LTBP4: variants seen among roughly 807,000 people sequenced by gnomAD.
LTBP4 encodes latent transforming growth factor beta binding protein 4.
LTBP4 carries 93 observed loss-of-function variants against 180.2 expected under a neutral mutation model. The observed-to-expected ratio is 0.52, with a 90% CI of 0.44 to 0.61. The LOEUF (loss-of-function observed/expected upper bound fraction) is 0.61. Among genes scored for constraint, LTBP4 ranks in the 20% least tolerant of loss-of-function variants. The pLI, the probability that LTBP4 is intolerant of heterozygous loss-of-function variation, is 0.00. For synonymous variants in LTBP4, 947 were observed against 934.5 expected, an observed-to-expected ratio of 1.01 and a Z score of -0.24; for missense variants, 2,116 against 2,256.5, an observed-to-expected ratio of 0.94 and a Z score of 1.26.
chr19:40,610,137 C>A (rs896954150), intron 11 of LTBP4: 1 of 527,426 alleles, frequency 1.9e-6, no homozygotes, highest in Admixed American at 3.6e-5. Context: ...CGCCCAGGCC[C>A]CGCCCTTATT....
rs772019455 is a variant in LTBP4, at chr19:40,609,556, A to C, written c.1453A>C (p.Asn485His). 1 of 1,613,346 alleles carries C rather than the reference A, an allele frequency of 6.2e-7. No homozygotes were observed. The highest frequency in any genetic ancestry group is 2.2e-5 in the East Asian group (1 of 44,886). Residue 485 changes from asparagine to histidine, a missense_variant, in exon 10 of 30, where the codon AAC becomes CAC. By Grantham distance (68) the Asn-to-His change is moderately conservative. Coordinates refer to ENST00000396819, the MANE Select transcript of LTBP4 (RefSeq NM_001042545.2). This position sits in a 1 kb window ranked among gnomAD's most constrained non-coding sequence, Gnocchi z 4.9. ...SGPSSGMCQR[N>H]PQVCGPGRCI... is the part of the protein sequence containing the mutation. ...TCCCTCCTCCGGCATGTGTCAGCGC[A>C]ACCCCCAGGTCTGCGGCCCAGGACG...
rs2081521462 is a variant in LTBP4 at position 40,613,319 on chromosome 19, G to A, written c.2432-85G>A. ...GGAGGAGCTTAGAAACCTGGCATTGGTGGGGGCGGGGTTACTGCGATGTGG... is the reference window on the plus strand; with the variant it reads ...GGAGGAGCTTAGAAACCTGGCATTGATGGGGGCGGGGTTACTGCGATGTGG... On this transcript the variant is annotated intron_variant, in intron 16 of 29. Transcript: ENST00000396819. This position sits in a 1 kb window ranked among gnomAD's most constrained non-coding sequence, Gnocchi z 5.0. 6.4e-7 allele frequency: 1 copy of A among 1,552,018 alleles called. No individual in the cohort carries two copies. Among genetic ancestry groups the A allele is most frequent in the African/African-American group, 1.4e-5 (1 of 73,448 alleles).
chr19:40,623,859 T>A, intron 25 of LTBP4, 77 bp from the exon 26 acceptor site: 1 of 1,599,424 alleles, frequency 6.3e-7, no homozygotes, highest in South Asian at 1.1e-5. Flanking sequence ...TCCATCACAC[T>A]GCCAATGTGC....
At chr19:40,627,504 C>A in intron 28 of LTBP4, 149 bp downstream of exon 28, 3 of 1,304,084 alleles carry the variant, frequency 2.3e-6, no homozygotes, top group Non-Finnish European at 3.1e-6. Flanking sequence ...GTCTATAGCC[C>A]GGCAAAGAAA....
chr19:40,594,022 G>A (rs2081378865), intron 1 of LTBP4, among the ~76,000 whole-genome samples: 1 of 151,376 alleles, frequency 6.6e-6, no homozygotes, highest in African/African-American at 2.4e-5. Flanking sequence ...TGAAACTCCT[G>A]ACCTCAAGTG....
upstream of LTBP4, among the ~76,000 whole-genome samples, chr19:40,600,651 C>G (rs1034164116): frequency 6.6e-6 from 1 of 152,160 alleles, no homozygotes; most frequent in Non-Finnish European, 1.5e-5. The surrounding 1 kb of genome is among the most constrained non-coding windows in gnomAD (Gnocchi z 4.4). Context: ...CAAACACCCT[C>G]AAAACCCTCC....
At chr19:40,621,581 G>A (rs978908171) in intron 22 of LTBP4, among the ~76,000 whole-genome samples, 1 of 152,158 alleles carries the variant, frequency 6.6e-6, no homozygotes. Flanking sequence ...GAGGCTGGGA[G>A]CTCAGGGAAC....
At chr19:40,597,160 G>A, upstream of LTBP4, 6 of 1,057,814 alleles carry the variant, frequency 5.7e-6, no homozygotes, top group Non-Finnish European at 7.3e-6. Context: ...GGGGGCGGGG[G>A]CAGGGGCGGG....
Position 40,609,461 on chromosome 19 carries a change from G to A in LTBP4, c.1427-69G>A, listed in dbSNP as rs1568405266. The A allele has an allele frequency of 5.7e-6, 9 of 1,581,918 alleles. No individual in the cohort carries two copies. The highest frequency in any genetic ancestry group is 1.3e-5 in the African/African-American group (1 of 74,284). On this transcript the variant is annotated intron_variant, in intron 9 of 29. Transcript: ENST00000396819. This position sits in a 1 kb window ranked among gnomAD's most constrained non-coding sequence, Gnocchi z 4.9. ...GTTTTATGGATGTCTCCGGGGGTGG[G>A]GGTTTTACTGGGATGAAAGGAACGG...
Position 40,611,065 on chromosome 19 carries a change from C to G in LTBP4, c.1811-87C>G, listed in dbSNP as rs796066988. The G allele has an allele frequency of 1.2e-4, 193 of 1,557,052 alleles. No individual in the cohort carries two copies. Among genetic ancestry groups the G allele is most frequent in the African/African-American group, 5.1e-4 (38 of 73,816 alleles). ...AGGAATAGAGATGGGGTCACGGGGACAGAATGTTGGAGGGTGGAAAGCCAA... is the reference window on the plus strand; with the variant it reads ...AGGAATAGAGATGGGGTCACGGGGAGAGAATGTTGGAGGGTGGAAAGCCAA... On this transcript the variant is annotated intron_variant, in intron 12 of 29. Coordinates refer to ENST00000396819, the MANE Select transcript of LTBP4 (RefSeq NM_001042545.2). The surrounding 1 kb of genome is among the most constrained non-coding windows in gnomAD (Gnocchi z 4.4).
intron 11 of LTBP4, 187 bp downstream of exon 11, chr19:40,610,058 C>T: frequency 1.3e-6 from 1 of 765,804 alleles, no homozygotes; most frequent in East Asian, 2.9e-5. Context: ...TTTGACCCCA[C>T]CCCTACCCAG....
At chr19:40,624,624 C>G (rs1259523271) in intron 26 of LTBP4, among the ~76,000 whole-genome samples, 1 of 152,198 alleles carries the variant, frequency 6.6e-6, no homozygotes, top group East Asian at 1.9e-4. Flanking sequence ...GTCTCGAACT[C>G]CCGACCTCAG....
chr19:40,610,511 C>A, intron 11 of LTBP4, 21 bp from the exon 12 acceptor site: 2 of 1,580,696 alleles, frequency 1.3e-6, no homozygotes, highest in Non-Finnish European at 1.7e-6. Context: ...CCAGTCCCAG[C>A]CGCCTGGTCT....
At chr19:40,610,985 C>A in intron 12 of LTBP4, 167 bp from the exon 13 acceptor site, 2 of 972,944 alleles carry the variant, frequency 2.1e-6, no homozygotes, top group Non-Finnish European at 3.0e-6. Flanking sequence ...CAGAACCAGC[C>A]AGGCAGCTTA....
intron 26 of LTBP4, among the ~76,000 whole-genome samples, chr19:40,625,312 A>ATT (rs2081624915): frequency 1.7e-4 from 3 of 18,016 alleles, no homozygotes; most frequent in Admixed American, 8.5e-4. Flanking sequence ...ATATATATAT[A>ATT]TATATTTTTT....
chr19:40,615,265 T>A (rs1402059151), intron 19 of LTBP4: 2 of 141,658 alleles, frequency 1.4e-5, no homozygotes, highest in African/African-American at 2.7e-5. Flanking sequence ...ATCTGTGGGC[T>A]GCCGTTGACT....
Position 40,614,015 on chromosome 19 carries a change from G to T in LTBP4, c.2657G>T (p.Gly886Val). 8 of 1,613,198 alleles carry T rather than the reference G, an allele frequency of 5.0e-6. No individual in the cohort carries two copies. The highest frequency in any genetic ancestry group is 5.9e-6 in the Non-Finnish European group (7 of 1,179,726). ...ECICPPGHRA[G>V]PDLASCLDVD... The stretch of plus-strand genomic sequence containing the variant: ...ATCTGTCCTCCGGGACACCGCGCTG[G>T]CCCGGACCTCGCCTCCTGCCTCGGT... The change falls in exon 18 of 30, where the codon GGC becomes GTC. Residue 886 changes from glycine (G) to valine (V), a missense_variant. By Grantham distance (109) the Gly-to-Val change is moderately radical. Around this residue, in one of 5 missense-constraint regions of LTBP4, gnomAD observed 877 missense variants for 873.6 expected, o/e 1.00. Coordinates refer to ENST00000396819, the MANE Select transcript of LTBP4 (RefSeq NM_001042545.2).
Position 40,626,958 on chromosome 19 carries a change from T to C in LTBP4, c.3986-17T>C, listed in dbSNP as rs750942155. On this transcript the variant is annotated splice_polypyrimidine_tract_variant and intron_variant, in intron 27 of 29. Transcript: ENST00000396819. ...GGCCAGCAGGGGCTGATTGTTTGCC[T>C]TGGCTCCTGTTCCCAGATGACTTCG... The C allele has an allele frequency of 6.5e-7, 1 of 1,529,092 alleles. No homozygotes were observed. Among genetic ancestry groups the C allele is most frequent in the Non-Finnish European group, 8.8e-7 (1 of 1,136,158 alleles). The allele number at this position is 1,529,092 out of a possible 1,614,324, so 94.7% of individuals were successfully genotyped here.
upstream of LTBP4, among the ~76,000 whole-genome samples, chr19:40,596,514 G>C (rs2081391289): frequency 6.8e-6 from 1 of 146,480 alleles, no homozygotes; most frequent in Non-Finnish European, 1.5e-5. Flanking sequence ...GGAGCACCCT[G>C]GGAGCAGAGT....
Sources: gnomAD v4.1 joint callset for allele counts (sites outside exome capture counted in the v4.1 genomes callset) on GRCh38, gnomAD v4.1.1 for gene constraint, gnomAD v4.1.1 regional missense constraint, Gnocchi (gnomAD v3.1) non-coding constraint, MANE v1.5 for transcripts, NCBI Gene and HGNC (gene_info 2026-07-23, HGNC 2026-07-21) for gene names.